ASTN1: variants seen among roughly 807,000 people sequenced by gnomAD.
ASTN1 encodes astrotactin 1, also known as astrotactin-1.
ASTN1 carries 41 observed loss-of-function variants against 140.7 expected under a neutral mutation model. The ratio of observed to expected loss-of-function variants is 0.29; its 90% confidence interval spans 0.23 to 0.38. The LOEUF (loss-of-function observed/expected upper bound fraction) is 0.38. Among genes scored for constraint, ASTN1 ranks in the 10% least tolerant of loss-of-function variants. The pLI, the probability that ASTN1 is intolerant of heterozygous loss-of-function variation, is 1.00. For missense variants in ASTN1, 1,479 were observed against 1,678.8 expected, an observed-to-expected ratio of 0.88 and a Z score of 2.08; for synonymous variants, 640 against 652.2, an observed-to-expected ratio of 0.98 and a Z score of 0.29.
At chr1:177,050,958 G>C (rs1402741319) in intron 2 of ASTN1, among the ~76,000 whole-genome samples, 1 of 151,664 alleles carries the variant, frequency 6.6e-6, no homozygotes, top group African/African-American at 2.4e-5. Flanking sequence ...AGACTCACAG[G>C]GAAAAAAAAC....
chr1:177,033,533 A>G (rs903083151), intron 2 of ASTN1, among the ~76,000 whole-genome samples: 1 of 152,214 alleles, frequency 6.6e-6, no homozygotes, highest in African/African-American at 2.4e-5. Flanking sequence ...AGGAAAAACC[A>G]TTGACAAATC....
intron 21 of ASTN1, among the ~76,000 whole-genome samples, chr1:176,875,227 G>T (rs1668510626): frequency 6.6e-6 from 1 of 152,136 alleles, no homozygotes; most frequent in Non-Finnish European, 1.5e-5. Context: ...GTGTGCAAAG[G>T]CCTCATGGTA....
At chr1:177,130,461 A>T (rs1316163303) in intron 1 of ASTN1, among the ~76,000 whole-genome samples, 1 of 152,092 alleles carries the variant, frequency 6.6e-6, no homozygotes. Context: ...TAATGTTGAT[A>T]CTCTTAAAAT....
intron 7 of ASTN1, among the ~76,000 whole-genome samples, chr1:177,018,200 G>A (rs1203063213): frequency 2.6e-5 from 4 of 152,190 alleles, no homozygotes; most frequent in African/African-American, 9.7e-5. Context: ...GGGAGTCAGA[G>A]GGAAGTGTGC....
chr1:177,049,684 C>T (rs905167239), intron 2 of ASTN1, among the ~76,000 whole-genome samples: 17 of 152,174 alleles, frequency 1.1e-4, no homozygotes, highest in African/African-American at 3.9e-4. Context: ...AGCAAGCTTT[C>T]GTCACAAGTG....
At chr1:177,084,953 C>T (rs190832501) in intron 1 of ASTN1, among the ~76,000 whole-genome samples, 5 of 152,154 alleles carry the variant, frequency 3.3e-5, no homozygotes, top group African/African-American at 2.4e-5. Flanking sequence ...AGGGCATTGG[C>T]GTAAGATACT....
intron 1 of ASTN1, among the ~76,000 whole-genome samples, chr1:177,100,935 A>G (rs1680272001): frequency 6.6e-6 from 1 of 152,180 alleles, no homozygotes; most frequent in Non-Finnish European, 1.5e-5. Context: ...TCTAATAAAA[A>G]TACAAAAATT....
chr1:177,043,568 C>T (rs1217523750), intron 2 of ASTN1, among the ~76,000 whole-genome samples: 1 of 152,258 alleles, frequency 6.6e-6, no homozygotes, highest in East Asian at 1.9e-4. Flanking sequence ...TGACCCACTA[C>T]AGAAAATTCT....
chr1:176,903,699 G>A (rs1669865568), intron 16 of ASTN1, among the ~76,000 whole-genome samples: 1 of 152,158 alleles, frequency 6.6e-6, no homozygotes. Flanking sequence ...CAAGGCTCTT[G>A]TTCTTATCAA....
intron 7 of ASTN1, among the ~76,000 whole-genome samples, chr1:177,021,386 G>T (rs1288545225): frequency 6.6e-6 from 1 of 152,222 alleles, no homozygotes; most frequent in Non-Finnish European, 1.5e-5. Context: ...GTTGATGGGA[G>T]AGCTTTGCTG....
chr1:176,936,149 C>T (rs780586251), intron 15 of ASTN1, 117 bp downstream of exon 15: 2 of 849,652 alleles, frequency 2.4e-6, no homozygotes, highest in Non-Finnish European at 3.9e-6. Context: ...TCACACATCT[C>T]ATGCAATAGC....
intron 16 of ASTN1, among the ~76,000 whole-genome samples, chr1:176,921,063 T>C (rs1670703080): frequency 6.6e-6 from 1 of 152,204 alleles, no homozygotes; most frequent in Non-Finnish European, 1.5e-5. Flanking sequence ...CTGGGACCTT[T>C]GACTAGTGTA....
intron 18 of ASTN1, among the ~76,000 whole-genome samples, chr1:176,885,580 C>T (rs968499954): frequency 6.6e-6 from 1 of 152,156 alleles, no homozygotes; most frequent in Non-Finnish European, 1.5e-5. Context: ...CATGATCACT[C>T]ATATTCCTGG....
At position 176,869,032 on chromosome 1, in the gene ASTN1, G is replaced by A. The variant is rs1341436072; in HGVS notation, c.3464-5C>T. On this transcript the variant is annotated splice_region_variant and splice_polypyrimidine_tract_variant and intron_variant, in intron 21 of 22. Coordinates refer to ENST00000361833, the MANE Select transcript of ASTN1 (RefSeq NM_004319.3). ...TGTAGATCTTGTCTGCTATTTCTGA[G>A]GAAGGAGGAAAAGGAAAATAAGTTA... The A allele has an allele frequency of 6.4e-7, 1 of 1,566,028 alleles. No individual in the cohort carries two copies. Among genetic ancestry groups the A allele is most frequent in the Non-Finnish European group, 8.7e-7 (1 of 1,155,916 alleles).
At chr1:176,956,526 T>C (rs1357871848) in intron 11 of ASTN1, among the ~76,000 whole-genome samples, 1 of 152,170 alleles carries the variant, frequency 6.6e-6, no homozygotes, top group Admixed American at 6.5e-5. Flanking sequence ...GCTGTCAGAC[T>C]GGAAAGAGAG....
chr1:176,974,019 G>A (rs1673254468), intron 8 of ASTN1, among the ~76,000 whole-genome samples: 1 of 152,176 alleles, frequency 6.6e-6, no homozygotes. Context: ...ACATGATATT[G>A]TTGAACACTG....
chr1:176,970,446 C>T (rs903310358), intron 8 of ASTN1, among the ~76,000 whole-genome samples: 1 of 152,170 alleles, frequency 6.6e-6, no homozygotes. Context: ...CAGCTTTCCA[C>T]CTAACTGTGG....
chr1:176,946,551 T>C (rs1242219297), intron 12 of ASTN1, among the ~76,000 whole-genome samples: 1 of 152,232 alleles, frequency 6.6e-6, no homozygotes, highest in Non-Finnish European at 1.5e-5. Context: ...GCAAAAGGAA[T>C]GACACCATGC....
At chr1:176,936,454 G>A (rs1314473506) in intron 14 of ASTN1, 84 bp from the exon 15 acceptor site, 20 of 1,046,580 alleles carry the variant, frequency 1.9e-5, no homozygotes, top group Middle Eastern at 3.1e-4. Flanking sequence ...TCTATGAGGC[G>A]AAGTGTTGTA....
Sources: gnomAD v4.1 joint callset for allele counts (sites outside exome capture counted in the v4.1 genomes callset) on GRCh38, gnomAD v4.1.1 for gene constraint, MANE v1.5 for transcripts, NCBI Gene and HGNC (gene_info 2026-07-23, HGNC 2026-07-21) for gene names.